Variants in LIPA observed in about 807,000 individuals in gnomAD.
LIPA encodes the protein lipase A, lysosomal acid type, also known as lysosomal acid lipase/cholesteryl ester hydrolase.
In LIPA, 26 loss-of-function variants were observed where a neutral mutation model predicts 40.6. That is an observed-to-expected ratio of 0.64 (90% confidence interval 0.47 to 0.89). The LOEUF (loss-of-function observed/expected upper bound fraction) is 0.89. LIPA is among the 40% of genes least tolerant of loss of function. LIPA has a pLI of 0.00. For missense variants in LIPA, 455 were observed against 479.6 expected, an observed-to-expected ratio of 0.95 and a Z score of 0.48; for synonymous variants, 188 against 168.4, an observed-to-expected ratio of 1.12 and a Z score of -0.90.
chr10:89,284,094 T>G (rs1400384185), intron 1 of LIPA: 1 of 152,220 alleles, frequency 6.6e-6, no homozygotes, highest in Non-Finnish European at 1.5e-5. Flanking sequence ...GATGGAAGCC[T>G]TTAGCAATCC....
chr10:89,276,422 C>A (rs918464700), intron 1 of LIPA, among the ~76,000 whole-genome samples: 1 of 152,202 alleles, frequency 6.6e-6, no homozygotes, highest in African/African-American at 2.4e-5. Flanking sequence ...CAGATAGACA[C>A]AAATTCAAAA....
At chr10:89,341,451 TG>T (rs1246951051) in intron 1 of LIPA, among the ~76,000 whole-genome samples, 1 of 152,236 alleles carries the variant, frequency 6.6e-6, no homozygotes, top group African/African-American at 2.4e-5. Flanking sequence ...CATGGACTCT[TG>T]AGATTAACTT....
At chr10:89,277,786 G>T (rs1369174847) in intron 1 of LIPA, 2 of 152,156 alleles carry the variant, frequency 1.3e-5, no homozygotes, top group Non-Finnish European at 2.9e-5. Context: ...CATCTTCCAA[G>T]AAAACAAAGT....
chr10:89,352,313 A>G (rs1843963481), intron 2 of LIPA, among the ~76,000 whole-genome samples: 1 of 151,978 alleles, frequency 6.6e-6, no homozygotes, highest in Non-Finnish European at 1.5e-5. Context: ...CATGTCCTCT[A>G]CCTCACCTTT....
chr10:89,392,835 A>C, intron 2 of LIPA: 1 of 1,041,318 alleles, frequency 9.6e-7, no homozygotes. Flanking sequence ...CCTCGATTTG[A>C]GTATCTGCTT....
At chr10:89,324,500 A>G (rs149358241) in intron 1 of LIPA, among the ~76,000 whole-genome samples, 2,637 of 152,332 alleles carry the variant, frequency 0.017, 38 homozygotes, top group Non-Finnish European at 0.026. Context: ...CAACTACGAC[A>G]AAACCAAAAA....
At chr10:89,346,931 T>C (rs1486774875), upstream of LIPA, among the ~76,000 whole-genome samples, 1 of 152,240 alleles carries the variant, frequency 6.6e-6, no homozygotes, top group Admixed American at 6.5e-5. Flanking sequence ...AGGCTTAGCC[T>C]GTCTTTTCTC....
intron 2 of LIPA, among the ~76,000 whole-genome samples, chr10:89,353,555 T>C (rs1254483229): frequency 4.0e-5 from 6 of 150,682 alleles, no homozygotes; most frequent in East Asian, 2.0e-4. Flanking sequence ...CAGAATTTCC[T>C]TGTGGGCAAA....
intron 1 of LIPA, among the ~76,000 whole-genome samples, chr10:89,322,753 C>A (rs1843578836): frequency 6.6e-6 from 1 of 152,192 alleles, no homozygotes; most frequent in Admixed American, 6.5e-5. Context: ...CATCTCAAAC[C>A]CTTTCTGGAT....
chr10:89,227,267 T>C (rs1042107507), intron 4 of LIPA, among the ~76,000 whole-genome samples: 2 of 152,254 alleles, frequency 1.3e-5, no homozygotes, highest in Admixed American at 1.3e-4. Flanking sequence ...AGTAGAATTA[T>C]ACAATGTGTA....
At chr10:89,349,824 T>A (rs562865224) in intron 2 of LIPA, among the ~76,000 whole-genome samples, 1 of 152,246 alleles carries the variant, frequency 6.6e-6, no homozygotes, top group East Asian at 1.9e-4. Context: ...CATTTTGACA[T>A]AAGAATTATT....
chr10:89,339,566 A>G (rs1353732630), intron 1 of LIPA: 1 of 1,614,232 alleles, frequency 6.2e-7, no homozygotes, highest in South Asian at 1.1e-5. Flanking sequence ...AGTGGAAATA[A>G]AGAGATGATT....
chr10:89,219,592 G>A (rs560387804), intron 8 of LIPA, among the ~76,000 whole-genome samples: 2 of 152,264 alleles, frequency 1.3e-5, no homozygotes, highest in East Asian at 3.9e-4. Flanking sequence ...GGCCTTTAAG[G>A]TCAACCCCAA....
intron 2 of LIPA, among the ~76,000 whole-genome samples, chr10:89,373,235 T>C (rs183930626): frequency 0.011 from 1,668 of 148,086 alleles, 37 homozygotes; most frequent in East Asian, 0.093. Context: ...CTCGGGAGGC[T>C]GAGGCAGGAG....
At chr10:89,405,872 G>A (rs1230179047) in intron 2 of LIPA, 1 of 152,176 alleles carries the variant, frequency 6.6e-6, no homozygotes, top group East Asian at 1.9e-4. Context: ...AGGTTCTGGA[G>A]ACTTGGCCAT....
At chr10:89,329,016 T>C (rs1274429403) in intron 1 of LIPA, among the ~76,000 whole-genome samples, 1 of 152,166 alleles carries the variant, frequency 6.6e-6, no homozygotes, top group African/African-American at 2.4e-5. Context: ...CTCAGTAAAC[T>C]TGATTTTTAA....
chr10:89,345,904 A>C (rs1272168575), upstream of LIPA, among the ~76,000 whole-genome samples: 1 of 152,204 alleles, frequency 6.6e-6, no homozygotes, highest in Non-Finnish European at 1.5e-5. Context: ...CAATGACCGA[A>C]ATTTTCGGAA....
chr10:89,358,852 G>T (rs550632773), intron 2 of LIPA, among the ~76,000 whole-genome samples: 161 of 152,268 alleles, frequency 1.1e-3, no homozygotes, highest in African/African-American at 3.8e-3. Context: ...ATAATTTCTA[G>T]TGTTCGATAG....
At chr10:89,326,403 G>A (rs1843600025) in intron 1 of LIPA, among the ~76,000 whole-genome samples, 1 of 151,810 alleles carries the variant, frequency 6.6e-6, no homozygotes, top group Non-Finnish European at 1.5e-5. Flanking sequence ...TTGAACTTAT[G>A]GAGATAGAGA....
Sources: gnomAD v4.1 joint callset for allele counts (sites outside exome capture counted in the v4.1 genomes callset) on GRCh38, gnomAD v4.1.1 for gene constraint, MANE v1.5 for transcripts, NCBI Gene and HGNC (gene_info 2026-07-23, HGNC 2026-07-21) for gene names.